The following DHCR7 variants were observed in gnomAD, a reference collection of about 807,000 sequenced individuals.
The protein encoded by DHCR7 is 7-DHC reductase.
A neutral mutation model predicts 43.3 loss-of-function variants in DHCR7; 40 were observed. That is an observed-to-expected ratio of 0.92 (90% CI 0.72 to 1.20). The LOEUF (loss-of-function observed/expected upper bound fraction) is 1.20. Ranked by LOEUF, DHCR7 falls within the 50% of genes most tolerant of loss-of-function variation. The pLI, the probability that DHCR7 is intolerant of heterozygous loss-of-function variation, is 0.00. For missense variants in DHCR7, 608 were observed against 644.6 expected (o/e 0.94, Z 0.62); for synonymous variants, 298 against 271.4 (o/e 1.10, Z -0.96).
intron 4 of DHCR7, among the ~76,000 whole-genome samples, chr11:71,442,866 A>G (rs950712912): frequency 6.6e-6 from 1 of 152,162 alleles, no homozygotes; most frequent in Non-Finnish European, 1.5e-5. Flanking sequence ...CATTTAGCGC[A>G]TTTACATGGT....
chr11:71,445,624 C>T (rs1444689427), intron 2 of DHCR7, among the ~76,000 whole-genome samples: 2 of 152,200 alleles, frequency 1.3e-5, no homozygotes, highest in Admixed American at 1.3e-4. Flanking sequence ...TGTTCTACTA[C>T]CAGGGCCTAG....
downstream of DHCR7, among the ~76,000 whole-genome samples, chr11:71,430,643 A>T (rs925988248): frequency 6.6e-6 from 1 of 152,248 alleles, no homozygotes; most frequent in Non-Finnish European, 1.5e-5. Flanking sequence ...GCATCCAAAA[A>T]GAATGAAGTC....
rs771880829 is a variant in DHCR7, at chr11:71,438,868, A to G, written c.831+11T>C. On this transcript the variant is annotated intron_variant, in intron 7 of 8. Coordinates refer to ENST00000355527, the MANE Select transcript of DHCR7 (RefSeq NM_001360.3). ...CATCGGCGTTTCACCCTCTCCAGCC[A>G]TGACAGGCACCTGCAGGACGTTGAC... The G allele has an allele frequency of 6.2e-7, 1 of 1,613,488 alleles. No individual in the cohort carries two copies. Among genetic ancestry groups the G allele is most frequent in the South Asian group, 1.1e-5 (1 of 91,078 alleles).
chr11:71,433,676 G>C (rs1949242307), downstream of DHCR7, among the ~76,000 whole-genome samples: 1 of 152,222 alleles, frequency 6.6e-6, no homozygotes, highest in Non-Finnish European at 1.5e-5. Context: ...AACGCAGGCA[G>C]GGAGGCCCGG....
chr11:71,437,715 AGCTTTGGTGCCC>A, intron 8 of DHCR7, 85 bp downstream of exon 8: 1 of 1,551,292 alleles, frequency 6.4e-7, no homozygotes. Flanking sequence ...AACAGGGGGC[AGCTTTGGTGCCC>A]CCAAGGACAG....
At chr11:71,428,577 C>T (rs938048743) in exon 3 of DHCR7, 5 of 259,666 alleles carry the variant, frequency 1.9e-5, no homozygotes, top group East Asian at 1.0e-4. Flanking sequence ...GCAGCCATTT[C>T]GCACATGGCA....
At position 71,437,918 on chromosome 11, in the gene DHCR7, CAGA is replaced by C. The variant is rs1176886263; in HGVS notation, c.854_856del (p.Phe285del). 4 of 1,613,592 alleles carry C rather than the reference CAGA, an allele frequency of 2.5e-6. No homozygotes were observed. Among genetic ancestry groups the C allele is most frequent in the Middle Eastern group, 1.6e-4 (1 of 6,084 alleles). The stretch of plus-strand genomic sequence containing the variant: ...GGTCTTCAGGTACCAGGTTTCGTTC[CAGA>C]AGAAGTCAATCACGTAGATGGCCTG... On this transcript the variant is annotated inframe_deletion, in exon 8 of 9. Transcript: ENST00000355527.
intron 7 of DHCR7, 187 bp downstream of exon 7, chr11:71,438,692 A>G: frequency 1.5e-6 from 1 of 667,278 alleles, no homozygotes; most frequent in Non-Finnish European, 2.6e-6. Context: ...GGGCTGGCAG[A>G]GACAGGCACC....
chr11:71,435,252 C>T lies in DHCR7; in HGVS notation c.*123G>A. ...TACTGGACACCTGCCAAGTGCTGGG[C>T]TCTCTCCAGTTTACAGATGAGGAAA... On this transcript the variant is annotated 3_prime_UTR_variant, in exon 9 of 9. Transcript: ENST00000355527. The T allele has an allele frequency of 9.6e-7, 1 of 1,036,760 alleles. No individual in the cohort carries two copies. Among genetic ancestry groups the T allele is most frequent in the South Asian group, 1.3e-5 (1 of 78,136 alleles). 64.2% of individuals were successfully genotyped at this position (1,036,760 alleles called of 1,614,324 possible). A position where few individuals can be genotyped will look rare whatever the true frequency, so the allele number is the denominator to read the frequency against.
intron 6 of DHCR7, among the ~76,000 whole-genome samples, chr11:71,440,223 G>T (rs1591110690): frequency 6.6e-6 from 1 of 152,228 alleles, no homozygotes; most frequent in South Asian, 2.1e-4. Flanking sequence ...CCGGTCAGGA[G>T]CTGCGGACAT....
rs1949267287 is a variant in DHCR7, at chr11:71,435,547, C to T, written c.1256G>A (p.Cys419Tyr). The T allele has an allele frequency of 1.9e-6, 3 of 1,610,924 alleles. No individual in the cohort carries two copies. The highest frequency in any genetic ancestry group is 2.5e-6 in the Non-Finnish European group (3 of 1,179,796). Residue 419 changes from cysteine (C) to tyrosine (Y), a missense_variant, in exon 9 of 9, where the codon TGC (cysteine) becomes TAC (tyrosine). Cys to Tyr is a radical substitution (Grantham distance 194, BLOSUM62 -2). Coordinates refer to ENST00000355527, the MANE Select transcript of DHCR7 (RefSeq NM_001360.3). ...CAGGTGGCCGCCGCCACAGGCCAGG[C>T]AGTAGGCCAGGCTGCCCATCAGGTC... ...VGDLMGSLAY[C>Y]LACGGGHLLP...
At chr11:71,447,109 A>T (rs1949413331) in intron 2 of DHCR7, among the ~76,000 whole-genome samples, 1 of 152,170 alleles carries the variant, frequency 6.6e-6, no homozygotes, top group Non-Finnish European at 1.5e-5. Flanking sequence ...GTTAATCCAG[A>T]CCACCCACAT....
chr11:71,433,035 G>A (rs905638542), downstream of DHCR7, among the ~76,000 whole-genome samples: 2 of 152,232 alleles, frequency 1.3e-5, no homozygotes, highest in African/African-American at 4.8e-5. Context: ...CTCTGAATGT[G>A]CCCACTGGAT....
chr11:71,433,495 A>G (rs1487731685), downstream of DHCR7, among the ~76,000 whole-genome samples: 4 of 152,274 alleles, frequency 2.6e-5, no homozygotes, highest in African/African-American at 7.2e-5. Context: ...ATTCAGAGGC[A>G]GGTCCACATC....
chr11:71,434,246 G>A (rs1330318351), downstream of DHCR7, among the ~76,000 whole-genome samples: 1 of 152,174 alleles, frequency 6.6e-6, no homozygotes, highest in Non-Finnish European at 1.5e-5. Flanking sequence ...GGGCAGGGTG[G>A]CGCCACGCAC....
At chr11:71,445,267 A>C (rs763346776) in intron 2 of DHCR7, among the ~76,000 whole-genome samples, 9 of 152,058 alleles carry the variant, frequency 5.9e-5, no homozygotes, top group Non-Finnish European at 1.3e-4. Context: ...TCCCTCCTAC[A>C]CACCACTCTC....
At chr11:71,440,037 A>T (rs540442263) in intron 6 of DHCR7, among the ~76,000 whole-genome samples, 1 of 152,316 alleles carries the variant, frequency 6.6e-6, no homozygotes, top group East Asian at 1.9e-4. Context: ...ATGGATAGAT[A>T]ACAGGGTGAG....
chr11:71,435,838 C>A lies in DHCR7; in HGVS notation c.965G>T (p.Gly322Val). 1.2e-6 allele frequency: 2 copies of A among 1,600,262 alleles called. No homozygotes were observed. The highest frequency in any genetic ancestry group is 1.7e-6 in the Non-Finnish European group (2 of 1,174,268). ...VWLPYLYTLQGLYLVYHPVQL... is the reference protein window; with the variant it reads ...VWLPYLYTLQVLYLVYHPVQL... ...CACGGGGTGGTACACCAAGTACAGACCCTGGGGGGCGAGGGGGAAGGGGTC... is the reference window on the plus strand; with the variant it reads ...CACGGGGTGGTACACCAAGTACAGAACCTGGGGGGCGAGGGGGAAGGGGTC... The change falls in exon 9 of 9, where the codon GGT (glycine) becomes GTT (valine). Residue 322 changes from glycine to valine, a missense_variant and splice_region_variant. Coordinates refer to ENST00000355527, the MANE Select transcript of DHCR7 (RefSeq NM_001360.3).
At position 71,443,882 on chromosome 11, in the gene DHCR7, A is replaced by G. The variant is rs543494118; in HGVS notation, c.321+111T>C. 3.9e-4 allele frequency: 333 copies of G among 854,072 alleles called. 5 individuals carry two copies. The South Asian group carries it at 5.4e-3, about 14-fold the overall frequency. The allele number at this position is 854,072 out of a possible 1,614,324, so 52.9% of individuals were successfully genotyped here. The stretch of plus-strand genomic sequence containing the variant: ...ATGCCCTGCTGGGTCCCGGGAACCC[A>G]GATGTCAACCTGAGCCAGGATCCAT... On this transcript the variant is annotated intron_variant, in intron 4 of 8. Coordinates refer to ENST00000355527, the MANE Select transcript of DHCR7 (RefSeq NM_001360.3).
Sources: gnomAD v4.1 joint callset for allele counts (sites outside exome capture counted in the v4.1 genomes callset) on GRCh38, gnomAD v4.1.1 for gene constraint, MANE v1.5 for transcripts, NCBI Gene and HGNC (gene_info 2026-07-23, HGNC 2026-07-21) for gene names.